The following SNX14 variants were observed in gnomAD, a reference collection of about 807,000 sequenced individuals.
SNX14 encodes sorting nexin-14.
A neutral mutation model predicts 133.8 loss-of-function variants in SNX14; 93 were observed. The observed-to-expected ratio is 0.70, with a 90% CI of 0.59 to 0.83. The LOEUF (loss-of-function observed/expected upper bound fraction) is 0.83, where lower values mean the gene tolerates loss of function less well. Among genes scored for constraint, SNX14 ranks in the 40% least tolerant of loss-of-function variants. The pLI is 0.00. For synonymous variants in SNX14, 368 were observed against 365.6 expected (o/e 1.01, Z -0.07); for missense variants, 945 against 1,094.9 (o/e 0.86, Z 1.93).
Position 85,543,175 on chromosome 6 carries a change from G to T in SNX14, c.1389+7C>A. On this transcript the variant is annotated splice_region_variant and intron_variant, in intron 14 of 28. Coordinates refer to ENST00000314673, the MANE Select transcript of SNX14 (RefSeq NM_153816.6). ...AATCCTCAAACAAGGTTAATATTTT[G>T]ACTTACCTCATCACTATGGCAGAAC... The T allele has an allele frequency of 1.3e-6, 2 of 1,528,598 alleles. No individual in the cohort carries two copies. The highest frequency in any genetic ancestry group is 1.3e-5 in the South Asian group (1 of 76,376). 94.7% of individuals were successfully genotyped at this position (1,528,598 alleles called of 1,614,324 possible). A position where few individuals can be genotyped will look rare whatever the true frequency, so the allele number is the denominator to read the frequency against.
intron 26 of SNX14, among the ~76,000 whole-genome samples, chr6:85,512,872 G>A (rs866113484): frequency 6.6e-6 from 1 of 152,116 alleles, no homozygotes; most frequent in Non-Finnish European, 1.5e-5. Flanking sequence ...TCTAAGAGTT[G>A]TTTAGTTTTT....
At chr6:85,535,799 T>C (rs1259501234) in intron 17 of SNX14, among the ~76,000 whole-genome samples, 2 of 151,800 alleles carry the variant, frequency 1.3e-5, no homozygotes, top group African/African-American at 4.8e-5. Context: ...AAGAAAAGGG[T>C]TTACTCCTGT....
At chr6:85,516,879 C>G (rs1292607944) in intron 23 of SNX14, among the ~76,000 whole-genome samples, 1 of 152,106 alleles carries the variant, frequency 6.6e-6, no homozygotes, top group Non-Finnish European at 1.5e-5. Flanking sequence ...CTCAAGTGAT[C>G]CATCCACCTT....
intron 15 of SNX14, among the ~76,000 whole-genome samples, chr6:85,541,000 T>TC (rs1367440857): frequency 6.6e-6 from 1 of 151,588 alleles, no homozygotes; most frequent in Non-Finnish European, 1.5e-5. Context: ...TCTTAACTTT[T>TC]TTTTTTTTTT....
intron 1 of SNX14, among the ~76,000 whole-genome samples, chr6:85,592,196 T>C (rs1342223448): frequency 6.6e-6 from 1 of 152,180 alleles, no homozygotes; most frequent in African/African-American, 2.4e-5. Flanking sequence ...AGAGCACACT[T>C]CTCAGTAAAA....
chr6:85,542,055 C>A lies in SNX14; in HGVS notation c.1390-12G>T. On this transcript the variant is annotated splice_polypyrimidine_tract_variant and intron_variant, in intron 14 of 28. Transcript: ENST00000314673. ...AGTTGTCTGAAATACTTTAAAATAA[C>A]AAATAATAATTATCATTTATTACAC... 1 of 1,510,860 alleles carries A rather than the reference C, an allele frequency of 6.6e-7. No homozygotes were observed. The highest frequency in any genetic ancestry group is 9.0e-7 in the Non-Finnish European group (1 of 1,113,160). The allele number at this position is 1,510,860 out of a possible 1,614,324, so 93.6% of individuals were successfully genotyped here.
chr6:85,573,807 T>A (rs1796430640), intron 2 of SNX14, among the ~76,000 whole-genome samples: 1 of 152,202 alleles, frequency 6.6e-6, no homozygotes, highest in African/African-American at 2.4e-5. Context: ...CAGGAATCTG[T>A]ATTTTTTAAT....
At chr6:85,549,237 G>A (rs1163682399) in intron 8 of SNX14, among the ~76,000 whole-genome samples, 1 of 151,948 alleles carries the variant, frequency 6.6e-6, no homozygotes, top group African/African-American at 2.4e-5. Context: ...AGGGTTATTA[G>A]GGTAAGAGTA....
At chr6:85,530,464 G>A (rs986530127) in intron 18 of SNX14, among the ~76,000 whole-genome samples, 189 bp from the exon 19 acceptor site, 1 of 151,992 alleles carries the variant, frequency 6.6e-6, no homozygotes, top group African/African-American at 2.4e-5. Flanking sequence ...TGCCAACATG[G>A]TGAAATCCCG....
intron 4 of SNX14, among the ~76,000 whole-genome samples, chr6:85,571,622 A>G (rs1795637310): frequency 1.3e-5 from 2 of 152,206 alleles, no homozygotes; most frequent in Admixed American, 1.3e-4. Flanking sequence ...CACTGAGAAG[A>G]CAAGTCTTTA....
Position 85,572,221 on chromosome 6 carries a change from G to T in SNX14, c.339-6C>A. 1.9e-6 allele frequency: 3 copies of T among 1,613,474 alleles called. No individual in the cohort carries two copies. Among genetic ancestry groups the T allele is most frequent in the Non-Finnish European group, 2.5e-6 (3 of 1,179,730 alleles). ...TTTCAAGTAGCAAAGAAGGCCTAAA[G>T]AAAAATTATACAACTAAATCACTTG... On this transcript the variant is annotated splice_polypyrimidine_tract_variant and splice_region_variant and intron_variant, in intron 3 of 28. Coordinates refer to ENST00000314673, the MANE Select transcript of SNX14 (RefSeq NM_153816.6).
chr6:85,577,388 G>A (rs765552503), intron 1 of SNX14, among the ~76,000 whole-genome samples: 5 of 151,908 alleles, frequency 3.3e-5, no homozygotes, highest in Non-Finnish European at 5.9e-5. Context: ...ACTGCACTCC[G>A]GCTGGGTGAC....
intron 18 of SNX14, among the ~76,000 whole-genome samples, chr6:85,532,358 G>A (rs2127999916): frequency 6.6e-6 from 1 of 152,320 alleles, no homozygotes; most frequent in South Asian, 2.1e-4. Context: ...AGAAGATGCT[G>A]CCTGATATTT....
chr6:85,554,440 T>A (rs901888636), intron 7 of SNX14, among the ~76,000 whole-genome samples: 1 of 152,070 alleles, frequency 6.6e-6, no homozygotes, highest in African/African-American at 2.4e-5. Context: ...AAGACAACTA[T>A]GGATGAAGAA....
Position 85,526,236 on chromosome 6 carries a change from T to G in SNX14, c.1997A>C (p.Lys666Thr). Reference sequence around the variant, plus strand: ...ACTCAGTTCTGGATGCTGCAGAAGTTTCTTGAATGAACAAAAAAAACGGAA... The same window carrying G: ...ACTCAGTTCTGGATGCTGCAGAAGTGTCTTGAATGAACAAAAAAAACGGAA... ...KREEFQEYLQ[K>T]LLQHPELSNS... is the part of the protein sequence containing the mutation. The change falls in exon 21 of 29, where the codon AAA becomes ACA. Residue 666 changes from lysine to threonine, a missense_variant and splice_region_variant. This residue lies in a region of SNX14 where 412 missense variants were observed against 516.6 expected (regional missense o/e 0.80). Coordinates refer to ENST00000314673, the MANE Select transcript of SNX14 (RefSeq NM_153816.6). 1 of 1,584,044 alleles carries G rather than the reference T, an allele frequency of 6.3e-7. No individual in the cohort carries two copies. Among genetic ancestry groups the G allele is most frequent in the African/African-American group, 1.4e-5 (1 of 73,660 alleles).
At chr6:85,587,641 T>G (rs771377159) in intron 1 of SNX14, among the ~76,000 whole-genome samples, 3 of 151,726 alleles carry the variant, frequency 2.0e-5, no homozygotes, top group Non-Finnish European at 4.4e-5. Flanking sequence ...AACTACTTGT[T>G]TGGAGAGACG....
At chr6:85,588,567 CTCCG>C in intron 1 of SNX14, among the ~76,000 whole-genome samples, 1 of 98,926 alleles carries the variant, frequency 1.0e-5, no homozygotes, top group East Asian at 3.7e-4. Flanking sequence ...AAGAGCGAGA[CTCCG>C]TCTCTAAATA....
At chr6:85,565,237 G>A (rs1793392400) in intron 6 of SNX14, 95 bp downstream of exon 6, 1 of 681,466 alleles carries the variant, frequency 1.5e-6, no homozygotes, top group Admixed American at 3.0e-5. Context: ...CCACAAATAT[G>A]TACATTTGCC....
At chr6:85,560,610 T>C (rs1180521032) in intron 6 of SNX14, among the ~76,000 whole-genome samples, 2 of 152,230 alleles carry the variant, frequency 1.3e-5, no homozygotes, top group African/African-American at 2.4e-5. Context: ...AATCATATAC[T>C]TCAAATGGGT....
Sources: gnomAD v4.1 joint callset for allele counts (sites outside exome capture counted in the v4.1 genomes callset) on GRCh38, gnomAD v4.1.1 for gene constraint, gnomAD v4.1.1 regional missense constraint, MANE v1.5 for transcripts, NCBI Gene and HGNC (gene_info 2026-07-23, HGNC 2026-07-21) for gene names.